The following SND1 variants were observed in gnomAD, a reference collection of about 807,000 sequenced individuals.
SND1 encodes the protein staphylococcal nuclease and tudor domain containing 1.
A neutral mutation model predicts 121.7 loss-of-function variants in SND1; 38 were observed. The ratio of observed to expected loss-of-function variants is 0.31; its 90% CI spans 0.24 to 0.41. The LOEUF (loss-of-function observed/expected upper bound fraction) is 0.41. SND1 is among the 10% of genes least tolerant of loss of function. The pLI, the probability that SND1 is intolerant of heterozygous loss-of-function variation, is 1.00. For synonymous variants in SND1, 401 were observed against 447.4 expected (o/e 0.90, Z 1.31); for missense variants, 868 against 1,184.6 (o/e 0.73, Z 3.92).
At chr7:127,959,083 A>G (rs1472469012) in intron 15 of SND1, among the ~76,000 whole-genome samples, 1 of 152,202 alleles carries the variant, frequency 6.6e-6, no homozygotes, top group Non-Finnish European at 1.5e-5. Flanking sequence ...ACACCATCCT[A>G]GAGTGGTAGT....
intron 16 of SND1, among the ~76,000 whole-genome samples, chr7:128,055,505 G>T (rs1793127258): frequency 6.6e-6 from 1 of 152,172 alleles, no homozygotes; most frequent in Non-Finnish European, 1.5e-5. Context: ...AGAAGAGGTT[G>T]CAGCCAGTGG....
chr7:127,802,095 T>A (rs1251170753), intron 10 of SND1, among the ~76,000 whole-genome samples: 3 of 152,124 alleles, frequency 2.0e-5, no homozygotes, highest in African/African-American at 7.2e-5. Flanking sequence ...TCCACCTTCC[T>A]TGGCCTCCCA....
At chr7:127,875,611 T>A (rs1320425322) in intron 12 of SND1, among the ~76,000 whole-genome samples, 2 of 152,236 alleles carry the variant, frequency 1.3e-5, no homozygotes, top group African/African-American at 4.8e-5. Flanking sequence ...TAATCATGGC[T>A]CTGCCACTTA....
At position 127,711,708 on chromosome 7, in the gene SND1, TG is replaced by T. The variant is rs1187723304; in HGVS notation, c.1038+4063del. 2.0e-5 allele frequency among the ~76,000 whole-genome samples: 3 copies of T among 152,218 alleles called. No homozygotes were observed. In the East Asian group the frequency reaches 5.8e-4, roughly 29 times the overall value. ...TCTTTTTTCTAGAACTCCTATTATT[TG>T]GTTGTTGGATTTTGTGGGCTCATCT... is the stretch of plus-strand genomic sequence containing the variant. On this transcript the variant is annotated intron_variant, in intron 9 of 23. Transcript: ENST00000354725.
At chr7:127,775,571 G>A (rs558213333) in intron 10 of SND1, among the ~76,000 whole-genome samples, 43 of 152,086 alleles carry the variant, frequency 2.8e-4, no homozygotes, top group African/African-American at 9.2e-4. Context: ...ACAACGTTTC[G>A]TTTCATACTT....
At chr7:127,907,277 G>T (rs1471717572) in intron 14 of SND1, among the ~76,000 whole-genome samples, 1 of 152,048 alleles carries the variant, frequency 6.6e-6, no homozygotes, top group African/African-American at 2.4e-5. Flanking sequence ...TGTGTATGTT[G>T]GGTGCCCTTG....
In SND1 at chr7:127,821,914, A is replaced by T. The variant is rs181479238; in HGVS notation, c.1242+14341A>T. Among the ~76,000 whole-genome samples, 12 of 152,344 alleles carry T rather than the reference A, an allele frequency of 7.9e-5. No individual in the cohort carries two copies. In the East Asian group the frequency reaches 2.3e-3, roughly 29 times the overall value. On this transcript the variant is annotated intron_variant, in intron 11 of 23. Coordinates refer to ENST00000354725, the MANE Select transcript of SND1 (RefSeq NM_014390.4). Reference sequence around the variant, plus strand: ...GTTATTTTTTGACAAGCTATTATATAAAATGGGCAGACATTTGAATTATTT... The same window carrying T: ...GTTATTTTTTGACAAGCTATTATATTAAATGGGCAGACATTTGAATTATTT...
Position 128,022,934 on chromosome 7 carries a change from A to G in SND1, c.1779+31878A>G, listed in dbSNP as rs73721282. 3.7e-3 allele frequency among the ~76,000 whole-genome samples: 567 copies of G among 152,274 alleles called. 1 individual carries two copies. The highest frequency in any genetic ancestry group is 0.013 in the African/African-American group (532 of 41,558). ...AGAGGATAAAACCTGTGATCATCCT[A>G]AAATCTAATTCTAGCCTCTCATTAG... is the stretch of plus-strand genomic sequence containing the variant. On this transcript the variant is annotated intron_variant, in intron 16 of 23. Coordinates refer to ENST00000354725, the MANE Select transcript of SND1 (RefSeq NM_014390.4).
intron 16 of SND1, among the ~76,000 whole-genome samples, chr7:128,069,004 C>T (rs1169832586): frequency 1.3e-5 from 2 of 152,246 alleles, no homozygotes; most frequent in African/African-American, 4.8e-5. Context: ...TGCTCTCCTG[C>T]AGGGCATGGC....
chr7:128,067,916 A>G (rs1793344492), intron 16 of SND1, among the ~76,000 whole-genome samples: 1 of 151,632 alleles, frequency 6.6e-6, no homozygotes, highest in Non-Finnish European at 1.5e-5. Context: ...GTCTTTCTCT[A>G]GTCTCCATTT....
chr7:127,729,707 T>C (rs992729275), intron 10 of SND1, among the ~76,000 whole-genome samples: 5 of 152,176 alleles, frequency 3.3e-5, no homozygotes, highest in African/African-American at 1.2e-4. Flanking sequence ...GACAAGTATG[T>C]GTGTGTGTTG....
chr7:127,952,306 G>A (rs1563068583), intron 15 of SND1, among the ~76,000 whole-genome samples: 1 of 152,144 alleles, frequency 6.6e-6, no homozygotes, highest in Non-Finnish European at 1.5e-5. Flanking sequence ...TTTTTGTTTT[G>A]TAGTCATATT....
intron 12 of SND1, among the ~76,000 whole-genome samples, chr7:127,860,530 T>G: frequency 6.6e-6 from 1 of 152,212 alleles, no homozygotes; most frequent in East Asian, 1.9e-4. Flanking sequence ...GATGTGACCT[T>G]AGTTGAATTG....
At chr7:127,760,107 G>T (rs1331337718) in intron 10 of SND1, among the ~76,000 whole-genome samples, 1 of 152,142 alleles carries the variant, frequency 6.6e-6, no homozygotes, top group East Asian at 1.9e-4. Flanking sequence ...GTCCACTTGG[G>T]CTCTGGCACC....
At chr7:127,748,462 A>G (rs1314693043) in intron 10 of SND1, among the ~76,000 whole-genome samples, 1 of 152,204 alleles carries the variant, frequency 6.6e-6, no homozygotes, top group African/African-American at 2.4e-5. Flanking sequence ...GAATTGCATC[A>G]TTAATCTGAT....
chr7:128,078,231 C>A (rs1793538815), intron 17 of SND1, among the ~76,000 whole-genome samples: 1 of 152,240 alleles, frequency 6.6e-6, no homozygotes, highest in Non-Finnish European at 1.5e-5. Context: ...CCTGCATGGA[C>A]CAGCTTGCCC....
chr7:127,921,777 T>G (rs73721253), intron 14 of SND1, among the ~76,000 whole-genome samples: 11,489 of 152,274 alleles, frequency 0.075, 1,329 homozygotes, highest in African/African-American at 0.24. Context: ...TTTTTCTGTT[T>G]AACTATAGTT....
intron 15 of SND1, among the ~76,000 whole-genome samples, chr7:127,972,900 A>G (rs1472567977): frequency 1.3e-5 from 2 of 152,194 alleles, no homozygotes; most frequent in African/African-American, 2.4e-5. Flanking sequence ...ACTGTTGTCT[A>G]TGAGATTCAT....
chr7:128,027,903 A>G, intron 16 of SND1: 1 of 152,320 alleles, frequency 6.6e-6, no homozygotes, highest in Non-Finnish European at 1.5e-5. Flanking sequence ...AACTGCAGGA[A>G]TCTGGTGCAA....
Sources: gnomAD v4.1 joint callset for allele counts (sites outside exome capture counted in the v4.1 genomes callset) on GRCh38, gnomAD v4.1.1 for gene constraint, MANE v1.5 for transcripts, NCBI Gene and HGNC (gene_info 2026-07-23, HGNC 2026-07-21) for gene names.